TRRAP: variants seen among roughly 807,000 people sequenced by gnomAD.
TRRAP encodes the protein transformation/transcription domain-associated protein.
In TRRAP, 41 loss-of-function variants were observed where a neutral mutation model predicts 438.8. The observed-to-expected ratio is 0.09, with a 90% confidence interval of 0.07 to 0.12. The LOEUF (loss-of-function observed/expected upper bound fraction) is 0.12. Among genes scored for constraint, TRRAP ranks in the 10% least tolerant of loss-of-function variants. The pLI is 1.00. For missense variants in TRRAP, 3,122 were observed against 5,055.1 expected (o/e 0.62, Z 11.60); for synonymous variants, 1,994 against 1,962.9 (o/e 1.02, Z -0.42).
In TRRAP at chr7:98,995,647, T is replaced by TC. The variant is rs375925743; in HGVS notation, c.10309+808dup. 3.6e-3 allele frequency among the ~76,000 whole-genome samples: 474 copies of TC among 131,370 alleles called. 3 individuals are homozygous for TC. Among genetic ancestry groups the TC allele is most frequent in the African/African-American group, 0.011 (377 of 34,328 alleles). 86.2% of individuals were successfully genotyped at this position (131,370 alleles called of 152,430 possible). On this transcript the variant is annotated intron_variant, in intron 67 of 72. Transcript: ENST00000456197. ...AAACAGGGATCCTCACCCCACAGTATCCCCCCCCCACCATCTACACACCCC... is the reference window on the plus strand; with the variant it reads ...AAACAGGGATCCTCACCCCACAGTATCCCCCCCCCCACCATCTACACACCCC...
chr7:98,998,190 AG>A lies in TRRAP; in HGVS notation c.10309+3345del, dbSNP rs576975943. ...TACAGGGGTGCTTCCCAGAGACAGA[AG>A]GGCTCTAAGTTTAACTCTTGACCCC... On this transcript the variant is annotated intron_variant, in intron 67 of 72. Coordinates refer to ENST00000456197, the MANE Select transcript of TRRAP (RefSeq NM_001375524.1). Among the ~76,000 whole-genome samples, 7 of 152,328 alleles carry A rather than the reference AG, an allele frequency of 4.6e-5. No homozygotes were observed. The South Asian group carries it at 1.4e-3, about 32-fold the overall frequency.
At chr7:98,993,386 C>T (rs1793514750) in intron 65 of TRRAP, among the ~76,000 whole-genome samples, 152 bp from the exon 66 acceptor site, 1 of 152,274 alleles carries the variant, frequency 6.6e-6, no homozygotes, top group Non-Finnish European at 1.5e-5. Context: ...GAACCAGGGC[C>T]TTCTCCCACG....
chr7:98,897,527 C>T (rs781873785), intron 7 of TRRAP, among the ~76,000 whole-genome samples: 1 of 152,016 alleles, frequency 6.6e-6, no homozygotes, highest in Admixed American at 6.6e-5. Context: ...GAAGAGTAAA[C>T]GTCTAGTGTG....
intron 21 of TRRAP, 112 bp from the exon 22 acceptor site, chr7:98,925,000 G>GT: frequency 7.2e-7 from 1 of 1,391,182 alleles, no homozygotes. Context: ...GCGAGACTCC[G>GT]TCTCAAAAAA....
chr7:99,011,582 A>G lies in TRRAP; in HGVS notation c.11337+47A>G. On this transcript the variant is annotated intron_variant, in intron 72 of 72. Coordinates refer to ENST00000456197, the MANE Select transcript of TRRAP (RefSeq NM_001375524.1). This position sits in a 1 kb window ranked among gnomAD's most constrained non-coding sequence, Gnocchi z 7.1. ...TCACAGGCGCAGGCTAGAGCCACTC[A>G]GATGCCCGCGCGTCACGGCCTTGCA... is the stretch of plus-strand genomic sequence containing the variant. 3.8e-6 allele frequency: 6 copies of G among 1,582,218 alleles called. No individual in the cohort carries two copies. Among genetic ancestry groups the G allele is most frequent in the Non-Finnish European group, 5.1e-6 (6 of 1,165,210 alleles).
chr7:99,003,271 C>T (rs1224309693), intron 67 of TRRAP, among the ~76,000 whole-genome samples: 2 of 152,206 alleles, frequency 1.3e-5, no homozygotes, highest in Non-Finnish European at 2.9e-5. Flanking sequence ...ATATATTAAC[C>T]AGGGATTTTT....
intron 24 of TRRAP, 94 bp downstream of exon 24, chr7:98,930,300 G>C (rs1790264849): frequency 1.4e-6 from 2 of 1,450,260 alleles, no homozygotes; most frequent in Admixed American, 4.0e-5. Context: ...ATTGCGGCCA[G>C]ACGCAGTGGC....
intron 24 of TRRAP, 132 bp from the exon 25 acceptor site, chr7:98,930,501 C>T (rs1790278719): frequency 8.2e-7 from 1 of 1,218,772 alleles, no homozygotes; most frequent in Non-Finnish European, 1.2e-6. Context: ...TCACTTGAAC[C>T]TGGGAGATGG....
intron 67 of TRRAP, chr7:98,999,798 C>A: frequency 1.9e-6 from 1 of 539,396 alleles, no homozygotes; most frequent in Non-Finnish European, 3.3e-6. Flanking sequence ...ACTTGAAGTT[C>A]TGTGGCAAAT....
In TRRAP at chr7:98,915,681, C is replaced by A. The variant is rs782761107; in HGVS notation, c.2200-42C>A. On this transcript the variant is annotated intron_variant, in intron 18 of 72. Transcript: ENST00000456197. ...TAGAGTCTGGAGGGTATAGACCCTCCTCATTTAGATGCCACTAATCTGCGT... is the reference window on the plus strand; with the variant it reads ...TAGAGTCTGGAGGGTATAGACCCTCATCATTTAGATGCCACTAATCTGCGT... 6 of 1,599,474 alleles carry A rather than the reference C, an allele frequency of 3.8e-6. No homozygotes were observed. In the Admixed American group the frequency reaches 1.0e-4, roughly 27 times the overall value.
chr7:98,928,406 A>G (rs1322275793), intron 23 of TRRAP, among the ~76,000 whole-genome samples: 2 of 152,156 alleles, frequency 1.3e-5, no homozygotes, highest in African/African-American at 4.8e-5. Flanking sequence ...CCTCACCCTT[A>G]AGATCAACCA....
chr7:98,908,998 C>A lies in TRRAP; in HGVS notation c.1350+36C>A. ...TTCTGAGAGTATCATCCATCCTGCA[C>A]TCTATCCTGTTTGTGGCTAAATTTT... On this transcript the variant is annotated intron_variant, in intron 14 of 72. Coordinates refer to ENST00000456197, the MANE Select transcript of TRRAP (RefSeq NM_001375524.1). This position sits in a 1 kb window ranked among gnomAD's most constrained non-coding sequence, Gnocchi z 4.1. 3.3e-6 allele frequency: 5 copies of A among 1,497,188 alleles called. No homozygotes were observed. The highest frequency in any genetic ancestry group is 4.6e-6 in the Non-Finnish European group (5 of 1,089,346). The allele number at this position is 1,497,188 out of a possible 1,614,324, so 92.7% of individuals were successfully genotyped here. A position where few individuals can be genotyped will look rare whatever the true frequency, so the allele number is the denominator to read the frequency against.
intron 70 of TRRAP, 76 bp downstream of exon 70, chr7:99,008,637 G>T: frequency 6.6e-7 from 1 of 1,505,266 alleles, no homozygotes; most frequent in Non-Finnish European, 9.0e-7. Context: ...GGAGACAGGG[G>T]TGTTTAGGAG....
In TRRAP at chr7:98,937,240, G is replaced by C. The variant is rs1790596230; in HGVS notation, c.4196G>C (p.Ser1399Thr). 6.2e-7 allele frequency: 1 copy of C among 1,613,440 alleles called. No homozygotes were observed. The highest frequency in any genetic ancestry group is 1.3e-5 in the African/African-American group (1 of 74,908). The change falls in exon 29 of 73, where the codon AGT (serine) becomes ACT (threonine). Residue 1399 changes from serine (S) to threonine (T), a missense_variant. Coordinates refer to ENST00000456197, the MANE Select transcript of TRRAP (RefSeq NM_001375524.1). The part of the protein sequence containing the change: ...ALFKALNSTN[S>T]ELQEAGEACM... ...TTCAAAGCCCTGAATTCCACCAATA[G>C]TGAGCTCCAAGAGGCCGGAGAAGCC...
At chr7:98,984,693 CAGACCTAT>C (rs1291786266) in intron 61 of TRRAP, among the ~76,000 whole-genome samples, 6 of 152,224 alleles carry the variant, frequency 3.9e-5, no homozygotes, top group African/African-American at 1.4e-4. Flanking sequence ...TAAAACCGAC[CAGACCTAT>C]AAAGCTTTGG....
At chr7:98,999,155 C>T in intron 67 of TRRAP, 1 of 1,576,678 alleles carries the variant, frequency 6.3e-7, no homozygotes, top group Non-Finnish European at 8.7e-7. Flanking sequence ...AGGCATTGAA[C>T]CTGGCCATCT....
chr7:98,951,826 T>C (rs1791349830), intron 39 of TRRAP, among the ~76,000 whole-genome samples: 2 of 152,052 alleles, frequency 1.3e-5, no homozygotes, highest in South Asian at 4.2e-4. Context: ...AGCCCAAGGG[T>C]TTATTCTTGG....
intron 21 of TRRAP, among the ~76,000 whole-genome samples, chr7:98,923,389 C>T (rs912257898): frequency 6.6e-6 from 1 of 152,208 alleles, no homozygotes; most frequent in African/African-American, 2.4e-5. Flanking sequence ...GGACGCCATC[C>T]TGCCGGCACT....
chr7:98,959,957 A>G (rs966985363), intron 45 of TRRAP, among the ~76,000 whole-genome samples: 1 of 150,958 alleles, frequency 6.6e-6, no homozygotes, highest in Non-Finnish European at 1.5e-5. Flanking sequence ...AAAAAAAAGA[A>G]AAAGAAAAGA....
Sources: allele counts gnomAD v4.1 joint callset (sites outside exome capture counted in the v4.1 genomes callset), GRCh38; gene constraint gnomAD v4.1.1; non-coding constraint Gnocchi (gnomAD v3.1); transcripts MANE v1.5; gene names NCBI Gene and HGNC (gene_info 2026-07-23, HGNC 2026-07-21).